ARHGAP27: variants seen among roughly 807,000 people sequenced by gnomAD.
ARHGAP27 encodes the protein rho GTPase-activating protein 27.
In ARHGAP27, 53 loss-of-function variants were observed where a neutral mutation model predicts 102.0. That is an observed-to-expected ratio of 0.52 (90% confidence interval 0.42 to 0.65). ARHGAP27 has a LOEUF of 0.65. ARHGAP27 is among the 30% of genes least tolerant of loss of function. The probability of loss-of-function intolerance (pLI) is 0.00; values close to 1 mark genes in which losing one functional copy is unlikely to be tolerated. For missense variants in ARHGAP27, 1,117 were observed against 1,256.2 expected (o/e 0.89, Z 1.68); for synonymous variants, 525 against 542.8 (o/e 0.97, Z 0.46).
intron 4 of ARHGAP27, among the ~76,000 whole-genome samples, chr17:45,417,439 G>A (rs2048577245): frequency 6.6e-6 from 1 of 151,178 alleles, no homozygotes; most frequent in Non-Finnish European, 1.5e-5. Flanking sequence ...ACTCCAGGCT[G>A]GGCGACAGAG....
At position 45,429,870 on chromosome 17, in the gene ARHGAP27, G is replaced by T; in HGVS notation, c.410C>A (p.Pro137His). Residue 137 changes from proline (P) to histidine (H), a missense_variant, in exon 4 of 20, where the codon CCC becomes CAC. Around this residue, in one of 3 missense-constraint regions of ARHGAP27, gnomAD observed 610 missense variants for 716.4 expected, o/e 0.85. Transcript: ENST00000685559. ...GAATQRSSLAPGLPACLYLRP... is the reference protein window; with the variant it reads ...GAATQRSSLAHGLPACLYLRP... ...CAGGTACAGGCAGGCTGGCAGGCCG[G>T]GCGCCAGGCTGCTGCGCTGGGTCGC... 7.6e-7 allele frequency: 1 copy of T among 1,309,542 alleles called. No individual in the cohort carries two copies. 81.1% of individuals were successfully genotyped at this position (1,309,542 alleles called of 1,614,324 possible).
intron 13 of ARHGAP27, 135 bp downstream of exon 13, chr17:45,397,814 C>T (rs967305364): frequency 6.4e-5 from 44 of 689,698 alleles, no homozygotes; most frequent in Non-Finnish European, 9.2e-5. Flanking sequence ...GCCTACCCTG[C>T]CATCCTAGCC....
chr17:45,396,443 G>C, intron 16 of ARHGAP27, 44 bp downstream of exon 16: 3 of 1,486,452 alleles, frequency 2.0e-6, no homozygotes, highest in Non-Finnish European at 1.8e-6. Flanking sequence ...GGAGGCCTGC[G>C]GGCACCCCAA....
intron 10 of ARHGAP27, 131 bp downstream of exon 10, chr17:45,403,898 C>T: frequency 9.0e-7 from 1 of 1,111,836 alleles, no homozygotes. Flanking sequence ...CTCACAGTGT[C>T]TCAGGGTCCA....
chr17:45,415,448 G>A (rs1197105192), intron 4 of ARHGAP27, among the ~76,000 whole-genome samples: 5 of 152,184 alleles, frequency 3.3e-5, no homozygotes, highest in South Asian at 4.1e-4. Flanking sequence ...CCCACCGGCT[G>A]TAGATCAACA....
At chr17:45,418,056 T>A (rs987368446) in intron 4 of ARHGAP27, among the ~76,000 whole-genome samples, 5 of 147,706 alleles carry the variant, frequency 3.4e-5, no homozygotes, top group Non-Finnish European at 7.5e-5. Flanking sequence ...AAAAAAAAAT[T>A]TTTTTACTTT....
chr17:45,403,153 C>G lies in ARHGAP27; in HGVS notation c.1639-335G>C, dbSNP rs75840309. ...GTTCCCCATCTCCAGTGGGCTAAAA[C>G]TACTTGTCTTGGAGTGAATCTGCCA... On this transcript the variant is annotated intron_variant, in intron 11 of 19. Transcript: ENST00000685559. Among the ~76,000 whole-genome samples the G allele has an allele frequency of 7.7e-3, 1,172 of 152,350 alleles. 18 individuals carry two copies. Among genetic ancestry groups the G allele is most frequent in the African/African-American group, 0.027 (1,141 of 41,580 alleles).
rs932302878 is a variant in ARHGAP27 at position 45,405,970 on chromosome 17, G to A, written c.771C>T (p.Asp257=). Residue 257 remains aspartate, a synonymous_variant, in exon 5 of 20, where the codon GAC becomes GAT. Transcript: ENST00000685559. ...LPSPVWETHT[D]AGTGRPYYYN... The stretch of plus-strand genomic sequence containing the variant: ...AGTAGTAGGGGCGCCCGGTGCCCGC[G>A]TCCGTGTGCGTCTCCCACACCGGGC... The A allele has an allele frequency of 1.9e-5, 29 of 1,535,760 alleles. No individual in the cohort carries two copies. In the African/African-American group the frequency reaches 3.8e-4, roughly 20 times the overall value.
At chr17:45,412,998 T>C (rs1172709616) in intron 4 of ARHGAP27, among the ~76,000 whole-genome samples, 1 of 126,638 alleles carries the variant, frequency 7.9e-6, no homozygotes, top group Non-Finnish European at 1.7e-5. Flanking sequence ...TTTTTTTTTT[T>C]TAATGGAGTC....
intron 4 of ARHGAP27, among the ~76,000 whole-genome samples, chr17:45,419,801 C>A (rs2048859333): frequency 6.6e-6 from 1 of 150,994 alleles, no homozygotes; most frequent in African/African-American, 2.4e-5. Flanking sequence ...AATACAGAAA[C>A]AGGCAAAGGA....
intron 4 of ARHGAP27, among the ~76,000 whole-genome samples, chr17:45,415,977 T>C (rs778671442): frequency 6.6e-5 from 10 of 152,090 alleles, no homozygotes; most frequent in South Asian, 2.1e-4. Context: ...GTTAATTTTC[T>C]CAGATATAAT....
At position 45,405,710 on chromosome 17, in the gene ARHGAP27, G is replaced by A. The variant is rs762115729; in HGVS notation, c.1031C>T (p.Pro344Leu). ...CCCTGGGCTGCCAGGGCTCAGGCCC[G>A]GCTGCATCTCCAACTCCTCCTCGGG... ...NEPEEELEMQ[P>L]GLSPGSPGDP... Residue 344 changes from proline to leucine, a missense_variant, in exon 5 of 20, where the codon CCG becomes CTG. Transcript: ENST00000685559. 1.9e-6 allele frequency: 3 copies of A among 1,603,244 alleles called. No individual in the cohort carries two copies. The highest frequency in any genetic ancestry group is 3.3e-5 in the Admixed American group (2 of 59,864).
At chr17:45,406,148 C>T (rs1213362870) in intron 4 of ARHGAP27, 65 bp from the exon 5 acceptor site, 1 of 1,429,928 alleles carries the variant, frequency 7.0e-7, no homozygotes, top group Non-Finnish European at 9.2e-7. Flanking sequence ...ACAGAGGTCC[C>T]CTCTGGGCAG....
Position 45,405,857 on chromosome 17 carries a change from A to G in ARHGAP27, c.884T>C (p.Val295Ala), listed in dbSNP as rs1399330561. 3.9e-6 allele frequency: 6 copies of G among 1,536,152 alleles called. No individual in the cohort carries two copies. In the Middle Eastern group the frequency reaches 5.0e-4, roughly 128 times the overall value. The change falls in exon 5 of 20, where the codon GTG becomes GCG. Residue 295 changes from valine (V) to alanine (A), a missense_variant. Val to Ala is a moderately conservative substitution (Grantham distance 64, BLOSUM62 0). Around this residue, in one of 3 missense-constraint regions of ARHGAP27, gnomAD observed 610 missense variants for 716.4 expected, o/e 0.85. Transcript: ENST00000685559. The stretch of plus-strand genomic sequence containing the variant: ...GGTCTCAAGGCTCACGTGGCTGTCC[A>G]CCGAGGCAGGGGAGGTGGCTGGGCT... ...AASPATSPAS[V>A]DSHVSLETEW...
intron 4 of ARHGAP27, among the ~76,000 whole-genome samples, chr17:45,407,232 G>A (rs73984391): frequency 6.6e-6 from 1 of 151,896 alleles, no homozygotes; most frequent in African/African-American, 2.4e-5. Flanking sequence ...GGTCCCCACC[G>A]TCCCTGCTGT....
intron 4 of ARHGAP27, among the ~76,000 whole-genome samples, chr17:45,428,405 AGAGGACG>A (rs2049807729): frequency 6.6e-6 from 1 of 152,242 alleles, no homozygotes; most frequent in Admixed American, 6.5e-5. Flanking sequence ...TGCTTACACC[AGAGGACG>A]CTGGGCCTGG....
intron 4 of ARHGAP27, among the ~76,000 whole-genome samples, chr17:45,416,032 G>GTTT (rs35276396): frequency 5.4e-4 from 78 of 143,410 alleles, no homozygotes; most frequent in Middle Eastern, 3.5e-3. Flanking sequence ...TGAAGTTTTT[G>GTTT]TTTTTTTTTT....
chr17:45,396,392 C>T (rs1484364041), intron 16 of ARHGAP27, 95 bp downstream of exon 16: 3 of 1,464,220 alleles, frequency 2.0e-6, no homozygotes, highest in Non-Finnish European at 1.8e-6. Flanking sequence ...TCCCCCTGGA[C>T]CCTGCGTCCA....
At chr17:45,426,852 G>A (rs988500089) in intron 4 of ARHGAP27, among the ~76,000 whole-genome samples, 19 of 152,268 alleles carry the variant, frequency 1.2e-4, no homozygotes, top group African/African-American at 3.9e-4. Context: ...CCAGCTGAGC[G>A]TCTAGTGGTC....
Sources: gnomAD v4.1 joint callset for allele counts (sites outside exome capture counted in the v4.1 genomes callset) on GRCh38, gnomAD v4.1.1 for gene constraint, gnomAD v4.1.1 regional missense constraint, MANE v1.5 for transcripts, NCBI Gene and HGNC (gene_info 2026-07-23, HGNC 2026-07-21) for gene names.